Variants in ADGRG5 observed in about 807,000 individuals in gnomAD.
The protein encoded by ADGRG5 is adhesion G protein-coupled receptor G5.
ADGRG5 carries 37 observed loss-of-function variants against 53.2 expected under a neutral mutation model. The ratio of observed to expected loss-of-function variants is 0.70; its 90% CI spans 0.53 to 0.91. The LOEUF is 0.91. ADGRG5 is among the 40% of genes least tolerant of loss of function. The pLI, the probability that ADGRG5 is intolerant of heterozygous loss-of-function variation, is 0.00. For synonymous variants in ADGRG5, 277 were observed against 290.4 expected, an observed-to-expected ratio of 0.95 and a Z score of 0.47; for missense variants, 614 against 675.8, an observed-to-expected ratio of 0.91 and a Z score of 1.01.
intron 1 of ADGRG5, among the ~76,000 whole-genome samples, chr16:57,555,205 C>T (rs1482338846): frequency 6.6e-6 from 1 of 152,110 alleles, no homozygotes; most frequent in Non-Finnish European, 1.5e-5. Flanking sequence ...TTCATGTCTT[C>T]TGATATGGTT....
intron 1 of ADGRG5, among the ~76,000 whole-genome samples, chr16:57,544,502 G>A (rs1229392057): frequency 1.3e-5 from 2 of 152,074 alleles, no homozygotes; most frequent in African/African-American, 4.8e-5. Context: ...CTTCTGCTTT[G>A]GCCTCAATTT....
the ADGRG5 span, among the ~76,000 whole-genome samples, chr16:57,535,301 G>T: frequency 6.6e-6 from 1 of 152,156 alleles, no homozygotes; most frequent in Non-Finnish European, 1.5e-5. Flanking sequence ...TAAGCCCAGG[G>T]GTAGGCACCC....
chr16:57,537,213 T>G, the ADGRG5 span, among the ~76,000 whole-genome samples: 4 of 152,246 alleles, frequency 2.6e-5, no homozygotes, highest in Admixed American at 2.6e-4. Flanking sequence ...TTTTGGGGCT[T>G]TCTCTCTATT....
intron 1 of ADGRG5, among the ~76,000 whole-genome samples, chr16:57,554,248 C>T (rs1323354463): frequency 2.0e-5 from 3 of 151,868 alleles, no homozygotes; most frequent in African/African-American, 7.3e-5. Flanking sequence ...TGTACTTTGT[C>T]CTTTTTTCCC....
chr16:57,549,671 A>T (rs2032701811), intron 1 of ADGRG5, among the ~76,000 whole-genome samples: 1 of 152,196 alleles, frequency 6.6e-6, no homozygotes, highest in Admixed American at 6.5e-5. Context: ...CAAAATATAG[A>T]ACATTGCTGT....
chr16:57,549,832 C>A (rs1254265224), intron 1 of ADGRG5, among the ~76,000 whole-genome samples: 1 of 152,210 alleles, frequency 6.6e-6, no homozygotes, highest in Non-Finnish European at 1.5e-5. Flanking sequence ...AGGCTTCCAG[C>A]TGTTCTATAT....
chr16:57,544,143 G>C (rs1372690597), intron 1 of ADGRG5, among the ~76,000 whole-genome samples: 2 of 152,108 alleles, frequency 1.3e-5, no homozygotes, highest in African/African-American at 4.8e-5. Context: ...GTGTGCAGGG[G>C]GTAGTGCCCT....
chr16:57,540,511 A>G (rs1430903297), upstream of ADGRG5, among the ~76,000 whole-genome samples: 1 of 151,934 alleles, frequency 6.6e-6, no homozygotes, highest in Non-Finnish European at 1.5e-5. Context: ...CAGGCTTCCT[A>G]CTGCTCAAGC....
rs1353303209 is a variant in ADGRG5 at position 57,563,161 on chromosome 16, C to G, written c.211C>G (p.Pro71Ala). 1 of 1,613,974 alleles carries G rather than the reference C, an allele frequency of 6.2e-7. No individual in the cohort carries two copies. The highest frequency in any genetic ancestry group is 8.5e-7 in the Non-Finnish European group (1 of 1,179,932). Residue 71 changes from proline to alanine, a missense_variant, in exon 4 of 12, where the codon CCC (proline) becomes GCC (alanine). Coordinates refer to ENST00000349457, the MANE Select transcript of ADGRG5 (RefSeq NM_001304376.3). ...AGGCTACAACCTGACCTTGCAGACA[C>G]CCACCATCCAGTCTCTGGCCTTCAA... The part of the protein sequence containing the change: ...FPGYNLTLQT[P>A]TIQSLAFKLS...
intron 1 of ADGRG5, among the ~76,000 whole-genome samples, chr16:57,559,515 G>A (rs892980003): frequency 7.2e-5 from 11 of 152,200 alleles, no homozygotes; most frequent in African/African-American, 2.2e-4. Flanking sequence ...GGTTACCCTT[G>A]TGTCTGGGGC....
chr16:57,574,014 G>T lies in ADGRG5; in HGVS notation c.1209-801G>T, dbSNP rs988418471. On this transcript the variant is annotated intron_variant, in intron 10 of 11. Transcript: ENST00000349457. This position sits in a 1 kb window ranked among gnomAD's most constrained non-coding sequence, Gnocchi z 4.4. Reference sequence around the variant, plus strand: ...TGAGATTACAGGCATGAGCCACCGCGCCTGGCCTCCATTTGATTTAGTTCT... The same window carrying T: ...TGAGATTACAGGCATGAGCCACCGCTCCTGGCCTCCATTTGATTTAGTTCT... Among the ~76,000 whole-genome samples, 1 of 152,208 alleles carries T rather than the reference G, an allele frequency of 6.6e-6. No individual in the cohort carries two copies. The highest frequency in any genetic ancestry group is 6.5e-5 in the Admixed American group (1 of 15,276).
intron 1 of ADGRG5, among the ~76,000 whole-genome samples, chr16:57,551,479 A>T (rs1216164214): frequency 6.6e-6 from 1 of 151,890 alleles, no homozygotes; most frequent in Non-Finnish European, 1.5e-5. Context: ...CTTCACCAGG[A>T]GTAGATTCCA....
In ADGRG5 at chr16:57,561,383, A is replaced by G. The variant is rs556181552; in HGVS notation, c.-38-673A>G. On this transcript the variant is annotated intron_variant, in intron 1 of 11. Transcript: ENST00000349457. ...CTTTACCTCTCCCATGGTAGGGTAC[A>G]GGGTTTCCTGTACCCTGTGTCTTCT... Among the ~76,000 whole-genome samples, 3 of 152,200 alleles carry G rather than the reference A, an allele frequency of 2.0e-5. No homozygotes were observed. In the South Asian group the frequency reaches 6.2e-4, roughly 32 times the overall value.
chr16:57,553,587 A>C (rs760077859), intron 1 of ADGRG5, among the ~76,000 whole-genome samples: 4 of 152,344 alleles, frequency 2.6e-5, no homozygotes, highest in African/African-American at 4.8e-5. Flanking sequence ...TTGTAGCTTT[A>C]TAGTGAGCCT....
At chr16:57,564,013 C>A in intron 5 of ADGRG5, 34 bp downstream of exon 5, 1 of 1,595,304 alleles carries the variant, frequency 6.3e-7, no homozygotes, top group Non-Finnish European at 8.6e-7. Context: ...AGGGTGGGTG[C>A]CGGCCCCTTC....
chr16:57,563,276 C>T, intron 4 of ADGRG5, 29 bp downstream of exon 4: 1 of 1,604,142 alleles, frequency 6.2e-7, no homozygotes, highest in South Asian at 1.1e-5. Context: ...GGGGGTGTGG[C>T]CAGCTGCCCC....
chr16:57,532,095 C>T, the ADGRG5 span, among the ~76,000 whole-genome samples: 1 of 152,230 alleles, frequency 6.6e-6, no homozygotes, highest in East Asian at 1.9e-4. Context: ...CTCAGTTTCC[C>T]CATGTGTAGA....
chr16:57,535,832 C>T, the ADGRG5 span, among the ~76,000 whole-genome samples: 1 of 152,180 alleles, frequency 6.6e-6, no homozygotes, highest in African/African-American at 2.4e-5. Flanking sequence ...GGGCAGACCT[C>T]CCGAACCCAA....
intron 1 of ADGRG5, among the ~76,000 whole-genome samples, chr16:57,546,233 C>T (rs1386708745): frequency 2.0e-5 from 3 of 152,180 alleles, no homozygotes; most frequent in Admixed American, 6.5e-5. Context: ...ACGTGATCCT[C>T]TCACCTCAGC....
Sources: gnomAD v4.1 joint callset for allele counts (sites outside exome capture counted in the v4.1 genomes callset) on GRCh38, gnomAD v4.1.1 for gene constraint, Gnocchi (gnomAD v3.1) non-coding constraint, MANE v1.5 for transcripts, NCBI Gene and HGNC (gene_info 2026-07-23, HGNC 2026-07-21) for gene names.